The following DPH6 variants were observed in gnomAD, a reference collection of about 807,000 sequenced individuals.
DPH6 encodes the protein diphthamine biosynthesis 6.
In DPH6, 33 loss-of-function variants were observed where a neutral mutation model predicts 38.2. The observed-to-expected ratio is 0.86, with a 90% CI of 0.65 to 1.15. The LOEUF is 1.15. Among genes scored for constraint, DPH6 ranks in the 50% most tolerant of loss-of-function variants. The pLI is 0.00. For missense variants in DPH6, 325 were observed against 320.0 expected (o/e 1.02, Z -0.12); for synonymous variants, 108 against 103.0 (o/e 1.05, Z -0.30).
At chr15:35,285,913 A>G (rs1405447524) in intron 3 of DPH6, among the ~76,000 whole-genome samples, 1 of 95,974 alleles carries the variant, frequency 1.0e-5, no homozygotes, top group East Asian at 3.6e-4. Context: ...TGTTCACTAT[A>G]AAGAATCCTA....
At chr15:35,224,777 G>A (rs2051468641) in intron 3 of DPH6, among the ~76,000 whole-genome samples, 1 of 152,164 alleles carries the variant, frequency 6.6e-6, no homozygotes, top group South Asian at 2.1e-4. Context: ...TAGGTGTGTA[G>A]TGGATTTAAT....
At chr15:35,310,372 G>A (rs1342016178) in intron 3 of DPH6, among the ~76,000 whole-genome samples, 2 of 152,128 alleles carry the variant, frequency 1.3e-5, no homozygotes, top group African/African-American at 4.8e-5. Flanking sequence ...CTGTTCTAGG[G>A]TAGGCAGTCC....
At chr15:35,420,038 C>T (rs2053484831) in intron 5 of DPH6, among the ~76,000 whole-genome samples, 1 of 151,992 alleles carries the variant, frequency 6.6e-6, no homozygotes, top group Non-Finnish European at 1.5e-5. Context: ...TATGTTTGGC[C>T]ACAAAAAAGT....
chr15:35,401,313 C>T, intron 6 of DPH6: 1 of 803,306 alleles, frequency 1.2e-6, no homozygotes, highest in Non-Finnish European at 2.2e-6. Context: ...GTGGAGGAAA[C>T]TTCAGTGATC....
chr15:35,510,823 T>C (rs1595430951), intron 3 of DPH6, among the ~76,000 whole-genome samples: 1 of 152,164 alleles, frequency 6.6e-6, no homozygotes, highest in Non-Finnish European at 1.5e-5. Context: ...AACTCACAAA[T>C]CTTTTAAACT....
chr15:35,444,814 C>T (rs1429913540), intron 5 of DPH6, among the ~76,000 whole-genome samples: 3 of 152,060 alleles, frequency 2.0e-5, no homozygotes, highest in Admixed American at 1.3e-4. Context: ...TTAGCAAATC[C>T]TTTTCATCAC....
intron 3 of DPH6, among the ~76,000 whole-genome samples, chr15:35,475,573 T>C (rs1489670428): frequency 6.6e-6 from 1 of 151,956 alleles, no homozygotes; most frequent in Non-Finnish European, 1.5e-5. Context: ...TCTTTGGTCA[T>C]GGATTTAATA....
At chr15:35,517,125 T>A (rs753866775) in intron 3 of DPH6, among the ~76,000 whole-genome samples, 5 of 152,108 alleles carry the variant, frequency 3.3e-5, no homozygotes, top group Non-Finnish European at 7.4e-5. Flanking sequence ...GCAGTAATGA[T>A]CTCATCTCAT....
At chr15:35,445,832 CAA>C (rs990354958) in intron 5 of DPH6, among the ~76,000 whole-genome samples, 4 of 152,166 alleles carry the variant, frequency 2.6e-5, no homozygotes, top group African/African-American at 9.7e-5. Flanking sequence ...GCGGTGAGCT[CAA>C]GTGTTGCTAG....
At chr15:35,484,853 T>A (rs2054375793) in intron 3 of DPH6, among the ~76,000 whole-genome samples, 1 of 152,212 alleles carries the variant, frequency 6.6e-6, no homozygotes, top group South Asian at 2.1e-4. Flanking sequence ...TTGTGTATAT[T>A]TGAAACCTTT....
At chr15:35,176,230 C>G in the DPH6 span, among the ~76,000 whole-genome samples, 1 of 152,146 alleles carries the variant, frequency 6.6e-6, no homozygotes, top group South Asian at 2.1e-4. Flanking sequence ...GAAATTAAAT[C>G]TTTGTTTATC....
At chr15:35,295,306 C>A (rs991770580) in intron 3 of DPH6, among the ~76,000 whole-genome samples, 3 of 152,176 alleles carry the variant, frequency 2.0e-5, no homozygotes, top group African/African-American at 4.8e-5. Context: ...AACAAAATCC[C>A]CCCAAGTCCA....
intron 3 of DPH6, among the ~76,000 whole-genome samples, chr15:35,335,222 T>G (rs1278528631): frequency 6.6e-6 from 1 of 152,234 alleles, no homozygotes; most frequent in Non-Finnish European, 1.5e-5. Context: ...GGTCTGTTCA[T>G]GTCCTTTGCC....
intron 3 of DPH6, among the ~76,000 whole-genome samples, chr15:35,230,875 A>G (rs1206177245): frequency 1.3e-5 from 2 of 152,216 alleles, no homozygotes; most frequent in Admixed American, 6.5e-5. Flanking sequence ...GCTGGTATCC[A>G]AGATACAAAA....
intron 5 of DPH6, among the ~76,000 whole-genome samples, chr15:35,439,151 T>C (rs150805269): frequency 1.3e-5 from 2 of 152,326 alleles, no homozygotes; most frequent in Non-Finnish European, 2.9e-5. Flanking sequence ...AAGATTTCAT[T>C]AGAAAATTAG....
At chr15:35,392,935 G>T (rs2053079493) in intron 6 of DPH6, among the ~76,000 whole-genome samples, 1 of 152,170 alleles carries the variant, frequency 6.6e-6, no homozygotes, top group African/African-American at 2.4e-5. Flanking sequence ...AAATGAGTTT[G>T]GCATAGCTGG....
intron 3 of DPH6, among the ~76,000 whole-genome samples, chr15:35,266,007 T>C (rs890835985): frequency 2.6e-5 from 4 of 152,194 alleles, no homozygotes; most frequent in Non-Finnish European, 4.4e-5. Flanking sequence ...GGACACATGT[T>C]CTTACATGTG....
intron 3 of DPH6, among the ~76,000 whole-genome samples, chr15:35,259,903 C>A (rs1202695080): frequency 6.6e-6 from 1 of 152,114 alleles, no homozygotes; most frequent in Non-Finnish European, 1.5e-5. Flanking sequence ...TAAATGATAC[C>A]AAGAAGTGAA....
intron 5 of DPH6, among the ~76,000 whole-genome samples, chr15:35,429,794 G>T (rs2053609879): frequency 6.6e-6 from 1 of 152,114 alleles, no homozygotes; most frequent in South Asian, 2.1e-4. Context: ...AATATTGAAA[G>T]GATATCTGTA....
Sources: allele counts gnomAD v4.1 joint callset (sites outside exome capture counted in the v4.1 genomes callset), GRCh38; gene constraint gnomAD v4.1.1; transcripts MANE v1.5; gene names NCBI Gene and HGNC (gene_info 2026-07-23, HGNC 2026-07-21).